DNAJC14: variants seen among roughly 807,000 people sequenced by gnomAD.
DNAJC14 encodes the protein dnaJ homolog subfamily C member 14.
DNAJC14 carries 12 observed loss-of-function variants against 68.8 expected under a neutral mutation model. That is an observed-to-expected ratio of 0.17 (90% CI 0.11 to 0.28). The LOEUF (loss-of-function observed/expected upper bound fraction) is 0.28. DNAJC14 is among the 10% of genes least tolerant of loss of function. The pLI, the probability that DNAJC14 is intolerant of heterozygous loss-of-function variation, is 1.00. For synonymous variants in DNAJC14, 350 were observed against 321.5 expected (o/e 1.09, Z -0.95); for missense variants, 764 against 875.6 (o/e 0.87, Z 1.61).
chr12:55,824,868 C>T (rs1054077539), intron 2 of DNAJC14, among the ~76,000 whole-genome samples: 4 of 152,168 alleles, frequency 2.6e-5, no homozygotes, highest in Non-Finnish European at 5.9e-5. Flanking sequence ...CAGTGGCTCA[C>T]GCCTGTAATC....
chr12:55,826,262 G>A (rs1366701518), intron 2 of DNAJC14, among the ~76,000 whole-genome samples: 2 of 149,524 alleles, frequency 1.3e-5, no homozygotes, highest in Admixed American at 1.4e-4. Flanking sequence ...ATAGTGGAGG[G>A]GAAAATATCT....
Position 55,828,497 on chromosome 12 carries a change from T to A in DNAJC14, c.162A>T (p.Thr54=), listed in dbSNP as rs770281525. The change falls in exon 2 of 7, where the codon ACA becomes ACT. Residue 54 remains threonine, a synonymous_variant. Coordinates refer to ENST00000678005, the MANE Select transcript of DNAJC14 (RefSeq NM_032364.6). ...GTAPNGTRCL[T]EHSGPKHTQH... is the part of the protein sequence containing the mutation. ...GTGTGTGCTTAGGACCAGAGTGCTCTGTGAGGCAGCGGGTACCATTAGGAG... is the reference window on the plus strand; with the variant it reads ...GTGTGTGCTTAGGACCAGAGTGCTCAGTGAGGCAGCGGGTACCATTAGGAG... 17 of 1,614,164 alleles carry A rather than the reference T, an allele frequency of 1.1e-5. No homozygotes were observed. The highest frequency in any genetic ancestry group is 1.3e-5 in the Non-Finnish European group (15 of 1,180,024).
chr12:55,826,903 G>A (rs1019389947), intron 2 of DNAJC14, among the ~76,000 whole-genome samples: 1 of 151,494 alleles, frequency 6.6e-6, no homozygotes, highest in Non-Finnish European at 1.5e-5. Flanking sequence ...GAAAATATAG[G>A]AACAGGCTGG....
At position 55,827,247 on chromosome 12, in the gene DNAJC14, C is replaced by T. The variant is rs754336413; in HGVS notation, c.1407+5G>A. ...GAGAGAAACAGGAAACAGAAGGGTA[C>T]TCACCATCACTGCCAGCTGTCTATA... On this transcript the variant is annotated splice_donor_5th_base_variant and intron_variant, in intron 2 of 6. Coordinates refer to ENST00000678005, the MANE Select transcript of DNAJC14 (RefSeq NM_032364.6). 6.8e-7 allele frequency: 1 copy of T among 1,461,020 alleles called. No individual in the cohort carries two copies. The allele number at this position is 1,461,020 out of a possible 1,614,324, so 90.5% of individuals were successfully genotyped here. A position where few individuals can be genotyped will look rare whatever the true frequency, so the allele number is the denominator to read the frequency against.
intron 3 of DNAJC14, 54 bp from the exon 4 acceptor site, chr12:55,823,243 A>AT: frequency 6.2e-7 from 1 of 1,612,762 alleles, no homozygotes; most frequent in Non-Finnish European, 8.5e-7. Flanking sequence ...GGACAAAGGA[A>AT]GACATATCAG....
Position 55,828,516 on chromosome 12 carries a change from T to A in DNAJC14, c.143A>T (p.Asn48Ile). The A allele has an allele frequency of 6.2e-7, 1 of 1,614,084 alleles. No homozygotes were observed. The highest frequency in any genetic ancestry group is 8.5e-7 in the Non-Finnish European group (1 of 1,180,022). Reference protein sequence around the residue: ...GLRDSAGTAPNGTRCLTEHSG... With the variant: ...GLRDSAGTAPIGTRCLTEHSG... ...GTGCTCTGTGAGGCAGCGGGTACCA[T>A]TAGGAGCAGTCCCTGCTGAGTCCCT... Residue 48 changes from asparagine (N) to isoleucine (I), a missense_variant, in exon 2 of 7, where the codon AAT (asparagine) becomes ATT (isoleucine). Physicochemically the swap from Asn to Ile is moderately radical, Grantham distance 149. Transcript: ENST00000678005.
At position 55,827,731 on chromosome 12, in the gene DNAJC14, T is replaced by A. The variant is rs1237760672; in HGVS notation, c.928A>T (p.Ser310Cys). The part of the protein sequence containing the change: ...GWAQVMFQFL[S>C]QGFYCGVGLF... Reference sequence around the variant, plus strand: ...CCTACTCCACAGTAAAACCCCTGGCTTAGAAACTGAAACATGACCTGGGCC... The same window carrying A: ...CCTACTCCACAGTAAAACCCCTGGCATAGAAACTGAAACATGACCTGGGCC... The change falls in exon 2 of 7, where the codon AGC (serine) becomes TGC (cysteine). Residue 310 changes from serine to cysteine, a missense_variant. Transcript: ENST00000678005. 1 of 1,613,996 alleles carries A rather than the reference T, an allele frequency of 6.2e-7. No homozygotes were observed. The highest frequency in any genetic ancestry group is 8.5e-7 in the Non-Finnish European group (1 of 1,180,000).
Position 55,828,024 on chromosome 12 carries a change from C to G in DNAJC14, c.635G>C (p.Arg212Pro), listed in dbSNP as rs944874300. Reference protein sequence around the residue: ...PTKEDTREGGRRDPRSPGRHR... With the variant: ...PTKEDTREGGPRDPRSPGRHR... ...TCGACCAGGGGACCTGGGATCCCTA[C>G]GTCCACCCTCCCGAGTATCCTCCTT... The change falls in exon 2 of 7, where the codon CGT becomes CCT. Residue 212 changes from arginine (R) to proline (P), a missense_variant. Transcript: ENST00000678005. 2 of 1,613,490 alleles carry G rather than the reference C, an allele frequency of 1.2e-6. No individual in the cohort carries two copies. Among genetic ancestry groups the G allele is most frequent in the South Asian group, 1.1e-5 (1 of 91,056 alleles).
At chr12:55,822,812 C>T in intron 4 of DNAJC14, 80 bp from the exon 5 acceptor site, 1 of 1,543,734 alleles carries the variant, frequency 6.5e-7, no homozygotes, top group Non-Finnish European at 8.8e-7. Context: ...CCATTATTCA[C>T]AAATAGGGCT....
Position 55,828,006 on chromosome 12 carries a change from G to C in DNAJC14, c.653C>G (p.Pro218Arg). The part of the protein sequence containing the change: ...REGGRRDPRS[P>R]GRHRLGRKRS... ...TTTCCGACCCAGCCGATGTCGACCA[G>C]GGGACCTGGGATCCCTACGTCCACC... Residue 218 changes from proline (P) to arginine (R), a missense_variant, in exon 2 of 7, where the codon CCT becomes CGT. Coordinates refer to ENST00000678005, the MANE Select transcript of DNAJC14 (RefSeq NM_032364.6). The C allele has an allele frequency of 1.2e-6, 2 of 1,613,460 alleles. No homozygotes were observed. The highest frequency in any genetic ancestry group is 1.1e-5 in the South Asian group (1 of 91,056).
At chr12:55,825,008 T>C (rs1880756160) in intron 2 of DNAJC14, among the ~76,000 whole-genome samples, 1 of 151,738 alleles carries the variant, frequency 6.6e-6, no homozygotes, top group Non-Finnish European at 1.5e-5. Context: ...GATGCACGCC[T>C]GTAGTTCCAG....
At position 55,821,888 on chromosome 12, in the gene DNAJC14, G is replaced by A; in HGVS notation, c.*89C>T. 7.5e-7 allele frequency: 1 copy of A among 1,329,040 alleles called. No homozygotes were observed. The allele number at this position is 1,329,040 out of a possible 1,614,324, so 82.3% of individuals were successfully genotyped here. On this transcript the variant is annotated 3_prime_UTR_variant, in exon 7 of 7. Transcript: ENST00000678005. The stretch of plus-strand genomic sequence containing the variant: ...AAAAAGAAAAAGATTCAGTTCCTAG[G>A]TGTTGGGGGAGGAGGGATAAATCAA...
intron 1 of DNAJC14, chr12:55,829,168 C>T (rs1480468513): frequency 5.1e-6 from 5 of 985,798 alleles, no homozygotes; most frequent in African/African-American, 1.7e-5. Flanking sequence ...CGAAGGTGGC[C>T]GGGCACCGTG....
intron 4 of DNAJC14, 149 bp from the exon 5 acceptor site, chr12:55,822,881 G>A (rs1047595459): frequency 1.0e-5 from 14 of 1,393,132 alleles, no homozygotes; most frequent in Admixed American, 4.6e-5. Flanking sequence ...CTATCCTAAA[G>A]CTAATGTTTC....
upstream of DNAJC14, chr12:55,829,653 G>A: frequency 1.0e-6 from 1 of 963,878 alleles, no homozygotes; most frequent in Non-Finnish European, 1.2e-6. Flanking sequence ...GGGTCACCAG[G>A]GAAGAGACGG....
intron 4 of DNAJC14, among the ~76,000 whole-genome samples, 161 bp downstream of exon 4, chr12:55,822,909 C>T (rs1456517491): frequency 1.3e-5 from 2 of 152,162 alleles, no homozygotes; most frequent in African/African-American, 2.4e-5. Context: ...TAATTAAAAT[C>T]GTCAGTCTAT....
At position 55,828,425 on chromosome 12, in the gene DNAJC14, TG is replaced by T. The variant is rs760590976; in HGVS notation, c.233del (p.Pro78GlnfsTer178). On this transcript the variant is annotated frameshift_variant, in exon 2 of 7. Transcript: ENST00000678005. LOFTEE classifies it high-confidence loss of function. Reference sequence around the variant, plus strand: ...CATCTCTAGGTGGTCCTGGACCCCCTGGGGGGCCATGGCTTGGGTCCAACCA... The same window carrying T: ...CATCTCTAGGTGGTCCTGGACCCCCTGGGGGCCATGGCTTGGGTCCAACCA... ...AHWLDPSHGPPGGPGPPRDAE... is the reference protein window; with the variant it reads ...AHWLDPSHGPXGGPGPPRDAE... 2.5e-6 allele frequency: 4 copies of T among 1,614,056 alleles called. No individual in the cohort carries two copies. The highest frequency in any genetic ancestry group is 3.4e-6 in the Non-Finnish European group (4 of 1,179,956).
chr12:55,829,644 G>T, upstream of DNAJC14: 8 of 977,094 alleles, frequency 8.2e-6, no homozygotes, highest in Non-Finnish European at 9.7e-6. Context: ...CCACTTCCGG[G>T]GTCACCAGGG....
In DNAJC14 at chr12:55,827,764, C is replaced by A; in HGVS notation, c.895G>T (p.Gly299Trp). 6.2e-7 allele frequency: 1 copy of A among 1,614,014 alleles called. No individual in the cohort carries two copies. The highest frequency in any genetic ancestry group is 8.5e-7 in the Non-Finnish European group (1 of 1,179,948). ...VWMGVWTGRLGGWAQVMFQFL... is the reference protein window; with the variant it reads ...VWMGVWTGRLWGWAQVMFQFL... ...TGAAACATGACCTGGGCCCAGCCCC[C>A]TAACCGCCCTGTCCACACTCCCATC... The change falls in exon 2 of 7, where the codon GGG becomes TGG. Residue 299 changes from glycine to tryptophan, a missense_variant. Coordinates refer to ENST00000678005, the MANE Select transcript of DNAJC14 (RefSeq NM_032364.6).
Sources: allele counts gnomAD v4.1 joint callset (sites outside exome capture counted in the v4.1 genomes callset), GRCh38; gene constraint gnomAD v4.1.1; transcripts MANE v1.5; gene names NCBI Gene and HGNC (gene_info 2026-07-23, HGNC 2026-07-21).